FBLN1: variants seen among roughly 807,000 people sequenced by gnomAD.
The protein encoded by FBLN1 is fibulin 1, also known as fibulin-1.
FBLN1 carries 34 observed loss-of-function variants against 89.7 expected under a neutral mutation model. The ratio of observed to expected loss-of-function variants is 0.38; its 90% confidence interval spans 0.29 to 0.50. FBLN1 has a LOEUF of 0.50. Among genes scored for constraint, FBLN1 ranks in the 20% least tolerant of loss-of-function variants. FBLN1 has a pLI of 0.92. For missense variants in FBLN1, 777 were observed against 988.1 expected (o/e 0.79, Z 2.86); for synonymous variants, 393 against 391.3 (o/e 1.00, Z -0.05).
rs1380291058 is a variant in FBLN1, at chr22:45,530,973, AG to A, written c.485-290del. Among the ~76,000 whole-genome samples, 4 of 152,158 alleles carry A rather than the reference AG, an allele frequency of 2.6e-5. No individual in the cohort carries two copies. The highest frequency in any genetic ancestry group is 9.7e-5 in the African/African-American group (4 of 41,450). ...GAGACAGCATTTCACCGTGTTGGCC[AG>A]GATGGTCTTGAACTCCTGACCTCAG... On this transcript the variant is annotated intron_variant, in intron 4 of 16. Coordinates refer to ENST00000327858, the MANE Select transcript of FBLN1 (RefSeq NM_006486.3). The surrounding 1 kb of genome is among the most constrained non-coding windows in gnomAD (Gnocchi z 5.4).
chr22:45,542,400 G>A, intron 10 of FBLN1, 117 bp downstream of exon 10: 2 of 1,382,610 alleles, frequency 1.4e-6, no homozygotes, highest in Non-Finnish European at 2.0e-6. Context: ...CCCAAGTGCA[G>A]GCAGACCCTG....
At position 45,548,594 on chromosome 22, in the gene FBLN1, G is replaced by T; in HGVS notation, c.1442-19G>T. The T allele has an allele frequency of 6.2e-7, 1 of 1,613,368 alleles. No homozygotes were observed. Among genetic ancestry groups the T allele is most frequent in the African/African-American group, 1.3e-5 (1 of 75,068 alleles). ...CAGGTGCCAGGACACTGAGGCTGAG[G>T]TGGGCTTTGCCGTTGCAGACATCGA... On this transcript the variant is annotated intron_variant, in intron 12 of 16. Coordinates refer to ENST00000327858, the MANE Select transcript of FBLN1 (RefSeq NM_006486.3).
At position 45,536,330 on chromosome 22, in the gene FBLN1, A is replaced by G. The variant is rs1469503837; in HGVS notation, c.922+993A>G. The stretch of plus-strand genomic sequence containing the variant: ...GAGTTTCAGTTTGAGAAGATGAAAA[A>G]GTTCTGGAGATGGATGGGGGTGATG... On this transcript the variant is annotated intron_variant, in intron 8 of 16. Coordinates refer to ENST00000327858, the MANE Select transcript of FBLN1 (RefSeq NM_006486.3). This position sits in a 1 kb window ranked among gnomAD's most constrained non-coding sequence, Gnocchi z 5.1. Among the ~76,000 whole-genome samples the G allele has an allele frequency of 6.6e-6, 1 of 152,100 alleles. No individual in the cohort carries two copies. Among genetic ancestry groups the G allele is most frequent in the Non-Finnish European group, 1.5e-5 (1 of 68,020 alleles).
Position 45,583,762 on chromosome 22 carries a change from A to G in FBLN1, c.1972+6654A>G, listed in dbSNP as rs2089061356. 6.6e-6 allele frequency among the ~76,000 whole-genome samples: 1 copy of G among 152,142 alleles called. No individual in the cohort carries two copies. Among genetic ancestry groups the G allele is most frequent in the African/African-American group, 2.4e-5 (1 of 41,426 alleles). ...GTGGGGAGCACCCCTTGCAGGGCCA[A>G]TGGGAAGGGGAAGCGCCTGCAGCAT... On this transcript the variant is annotated intron_variant, in intron 16 of 16. Coordinates refer to ENST00000327858, the MANE Select transcript of FBLN1 (RefSeq NM_006486.3). This position sits in a 1 kb window ranked among gnomAD's most constrained non-coding sequence, Gnocchi z 4.5.
chr22:45,535,387 G>C, intron 8 of FBLN1, 50 bp downstream of exon 8: 1 of 1,608,364 alleles, frequency 6.2e-7, no homozygotes, highest in East Asian at 2.2e-5. Context: ...AGGGGCCAGC[G>C]ACCTAGCCTT....
At chr22:45,508,162 C>T (rs979898305) in intron 1 of FBLN1, among the ~76,000 whole-genome samples, 2 of 152,068 alleles carry the variant, frequency 1.3e-5, no homozygotes, top group Admixed American at 1.3e-4. Flanking sequence ...ACATGGAGGC[C>T]CAGAGAGTCC....
rs577304002 is a variant in FBLN1 at position 45,581,577 on chromosome 22, C to T, written c.1972+4469C>T. ...GCAGGTGAAGTAATTCTTTGGCCTA[C>T]GGACGAATTTTGCATGTGGACCTCC... On this transcript the variant is annotated intron_variant, in intron 16 of 16. Transcript: ENST00000327858. The surrounding 1 kb of genome is among the most constrained non-coding windows in gnomAD (Gnocchi z 7.6). Among the ~76,000 whole-genome samples the T allele has an allele frequency of 1.3e-4, 20 of 152,280 alleles. No homozygotes were observed. Among genetic ancestry groups the T allele is most frequent in the South Asian group, 8.3e-4 (4 of 4,820 alleles).
Position 45,550,467 on chromosome 22 carries a change from T to C in FBLN1, c.1574-25T>C, listed in dbSNP as rs773009833. ...TGGCTCCTGCAGCCTCTGCCTTCAC[T>C]GTGCTGCTGTGGGGTCTCTTGCAGA... On this transcript the variant is annotated intron_variant, in intron 13 of 16. Transcript: ENST00000327858. The surrounding 1 kb of genome is among the most constrained non-coding windows in gnomAD (Gnocchi z 8.4). 4.3e-6 allele frequency: 7 copies of C among 1,613,778 alleles called. No individual in the cohort carries two copies. Among genetic ancestry groups the C allele is most frequent in the Non-Finnish European group, 5.1e-6 (6 of 1,179,940 alleles).
At chr22:45,509,853 TCTTTGCTGTAG>T (rs886189577) in intron 1 of FBLN1, among the ~76,000 whole-genome samples, 1 of 152,038 alleles carries the variant, frequency 6.6e-6, no homozygotes, top group Non-Finnish European at 1.5e-5. Context: ...CCACTCCAAC[TCTTTGCTGTAG>T]CTTTAGACAA....
In FBLN1 at chr22:45,561,977, G is replaced by A. The variant is rs183120159; in HGVS notation, c.1697+11362G>A. Among the ~76,000 whole-genome samples, 7 of 152,278 alleles carry A rather than the reference G, an allele frequency of 4.6e-5. No homozygotes were observed. In the East Asian group the frequency reaches 1.3e-3, roughly 29 times the overall value. ...CCGTGCTGGCAGCTGATTAGATTGT[G>A]CCCACCCAGATTAAGGGTGGGTCTG... On this transcript the variant is annotated intron_variant, in intron 14 of 16. Transcript: ENST00000327858. This position sits in a 1 kb window ranked among gnomAD's most constrained non-coding sequence, Gnocchi z 4.7.
At position 45,578,929 on chromosome 22, in the gene FBLN1, G is replaced by T. The variant is rs147389929; in HGVS notation, c.1972+1821G>T. On this transcript the variant is annotated intron_variant, in intron 16 of 16. Coordinates refer to ENST00000327858, the MANE Select transcript of FBLN1 (RefSeq NM_006486.3). The surrounding 1 kb of genome is among the most constrained non-coding windows in gnomAD (Gnocchi z 4.6). ...ATGCCACATAGCCCCTGAGGACTTT[G>T]CATCTCAGCAGCAGGGAGAAGCCAC... Among the ~76,000 whole-genome samples, 1 of 152,358 alleles carries T rather than the reference G, an allele frequency of 6.6e-6. No homozygotes were observed. The highest frequency in any genetic ancestry group is 1.9e-4 in the East Asian group (1 of 5,184).
intron 1 of FBLN1, among the ~76,000 whole-genome samples, chr22:45,505,614 GACTAGAA>G (rs937827562): frequency 3.5e-4 from 53 of 152,194 alleles, no homozygotes; most frequent in South Asian, 1.0e-3. Flanking sequence ...GGCCTTGTGA[GACTAGAA>G]ATCAGTTTGC....
At position 45,600,578 on chromosome 22, in the gene FBLN1, T is replaced by C; in HGVS notation, c.*132T>C. On this transcript the variant is annotated 3_prime_UTR_variant, in exon 17 of 17. Coordinates refer to ENST00000327858, the MANE Select transcript of FBLN1 (RefSeq NM_006486.3). ...ATTTGTAGCATTAGGCCAACATGTA[T>C]TAAGCTGAGCCAGATGAATAAGTCC... 1 of 1,042,578 alleles carries C rather than the reference T, an allele frequency of 9.6e-7. No individual in the cohort carries two copies. Among genetic ancestry groups the C allele is most frequent in the South Asian group, 1.3e-5 (1 of 78,948 alleles). The allele number at this position is 1,042,578 out of a possible 1,614,324, so 64.6% of individuals were successfully genotyped here.
At chr22:45,599,857 C>G (rs1019420577) in intron 16 of FBLN1, among the ~76,000 whole-genome samples, 2 of 152,172 alleles carry the variant, frequency 1.3e-5, no homozygotes, top group Non-Finnish European at 2.9e-5. Flanking sequence ...GTGGACGTTG[C>G]AATGAGCCGA....
At chr22:45,516,797 C>T (rs532053395) in intron 1 of FBLN1, among the ~76,000 whole-genome samples, 1 of 152,360 alleles carries the variant, frequency 6.6e-6, no homozygotes, top group Non-Finnish European at 1.5e-5. Context: ...CTACCTTGCA[C>T]TGCAGAAAGC....
chr22:45,525,482 G>A, intron 2 of FBLN1, 61 bp from the exon 3 acceptor site: 1 of 1,522,054 alleles, frequency 6.6e-7, no homozygotes, highest in Non-Finnish European at 8.9e-7. Context: ...CACCCCCGAG[G>A]ATCTCGTGCC....
At chr22:45,571,233 G>A (rs1280788486) in intron 14 of FBLN1, among the ~76,000 whole-genome samples, 1 of 151,354 alleles carries the variant, frequency 6.6e-6, no homozygotes, top group Non-Finnish European at 1.5e-5. Flanking sequence ...CAGACTCTTT[G>A]ACAGCAACAC....
At chr22:45,505,673 A>G (rs1168222347) in intron 1 of FBLN1, among the ~76,000 whole-genome samples, 1 of 152,254 alleles carries the variant, frequency 6.6e-6, no homozygotes, top group Non-Finnish European at 1.5e-5. Context: ...TTTCTCATTT[A>G]TAAAATGAAG....
intron 14 of FBLN1, among the ~76,000 whole-genome samples, chr22:45,568,803 T>C (rs1037951196): frequency 1.9e-4 from 6 of 31,574 alleles, no homozygotes; most frequent in South Asian, 7.5e-4. Context: ...GAATGCCTCT[T>C]CTGTAGGGGA....
Sources: allele counts gnomAD v4.1 joint callset (sites outside exome capture counted in the v4.1 genomes callset), GRCh38; gene constraint gnomAD v4.1.1; non-coding constraint Gnocchi (gnomAD v3.1); transcripts MANE v1.5; gene names NCBI Gene and HGNC (gene_info 2026-07-23, HGNC 2026-07-21).